WDPCP: variants seen among roughly 807,000 people sequenced by gnomAD.
WDPCP encodes WD repeat containing planar cell polarity effector, also known as WD repeat-containing and planar cell polarity effector protein fritz homolog.
WDPCP carries 71 observed loss-of-function variants against 93.1 expected under a neutral mutation model. The ratio of observed to expected loss-of-function variants is 0.76; its 90% CI spans 0.63 to 0.93. The LOEUF (loss-of-function observed/expected upper bound fraction) is 0.93, where lower values mean the gene tolerates loss of function less well. Among genes scored for constraint, WDPCP ranks in the 40% least tolerant of loss-of-function variants. WDPCP has a pLI of 0.00. For missense variants in WDPCP, 844 were observed against 887.4 expected, an observed-to-expected ratio of 0.95 and a Z score of 0.62; for synonymous variants, 315 against 315.0, an observed-to-expected ratio of 1.00 and a Z score of 0.00.
At chr2:63,154,322 C>A (rs1672084659) in intron 15 of WDPCP, among the ~76,000 whole-genome samples, 1 of 152,066 alleles carries the variant, frequency 6.6e-6, no homozygotes, top group Admixed American at 6.5e-5. Context: ...CCCCCTCAAC[C>A]TATACACCCT....
chr2:63,276,525 A>G (rs1683101849), intron 13 of WDPCP, among the ~76,000 whole-genome samples: 1 of 152,240 alleles, frequency 6.6e-6, no homozygotes, highest in Non-Finnish European at 1.5e-5. Context: ...GCTGGCATAA[A>G]TAAAAAACAA....
chr2:63,190,223 T>A (rs1674938156), intron 14 of WDPCP, among the ~76,000 whole-genome samples: 1 of 151,696 alleles, frequency 6.6e-6, no homozygotes, highest in South Asian at 2.1e-4. Context: ...AGCCAAGCAG[T>A]TCAAGACCAG....
At chr2:63,619,463 A>C (rs540061907) in intron 3 of WDPCP, among the ~76,000 whole-genome samples, 3 of 152,176 alleles carry the variant, frequency 2.0e-5, no homozygotes, top group Non-Finnish European at 4.4e-5. Flanking sequence ...TGGTACAGCT[A>C]ACTCATGTGG....
At chr2:63,773,278 T>C (rs1670256600) in intron 2 of WDPCP, among the ~76,000 whole-genome samples, 1 of 152,002 alleles carries the variant, frequency 6.6e-6, no homozygotes, top group Admixed American at 6.6e-5. Flanking sequence ...AAACTAATGA[T>C]AGATGCAAGA....
chr2:63,426,106 C>T (rs1016661463), intron 9 of WDPCP, among the ~76,000 whole-genome samples: 3 of 152,098 alleles, frequency 2.0e-5, no homozygotes, highest in African/African-American at 7.2e-5. Flanking sequence ...CTTGGGAGGC[C>T]GAGGCAGGCG....
At chr2:63,204,418 T>C (rs1259685646) in intron 14 of WDPCP, among the ~76,000 whole-genome samples, 1 of 143,334 alleles carries the variant, frequency 7.0e-6, no homozygotes, top group Non-Finnish European at 1.5e-5. Context: ...CTTGGCTCAC[T>C]GCAACCTCCA....
At chr2:63,689,650 T>C (rs2103664370) in intron 2 of WDPCP, among the ~76,000 whole-genome samples, 1 of 152,304 alleles carries the variant, frequency 6.6e-6, no homozygotes, top group African/African-American at 2.4e-5. Flanking sequence ...GAAAACAGCA[T>C]CATTGCTTCT....
At chr2:63,196,641 A>C (rs1675456428) in intron 14 of WDPCP, among the ~76,000 whole-genome samples, 1 of 152,124 alleles carries the variant, frequency 6.6e-6, no homozygotes, top group Non-Finnish European at 1.5e-5. Flanking sequence ...TAACAAGAGA[A>C]GCAGCTTCTG....
At chr2:63,797,024 G>C (rs1243939946) in intron 2 of WDPCP, among the ~76,000 whole-genome samples, 1 of 152,178 alleles carries the variant, frequency 6.6e-6, no homozygotes, top group Non-Finnish European at 1.5e-5. Flanking sequence ...CAGAAGGAAA[G>C]GGCACTAGGC....
At chr2:63,254,131 T>G (rs34781199) in intron 14 of WDPCP, among the ~76,000 whole-genome samples, 13,565 of 152,128 alleles carry the variant, frequency 0.089, 831 homozygotes, top group South Asian at 0.16. Flanking sequence ...AACTCAGTAA[T>G]AGAAAACCAA....
At chr2:63,773,884 A>G (rs1187763534) in intron 2 of WDPCP, among the ~76,000 whole-genome samples, 2 of 152,130 alleles carry the variant, frequency 1.3e-5, no homozygotes, top group East Asian at 1.9e-4. Context: ...CTCTGAGCAC[A>G]CTGGCTATGG....
chr2:63,629,878 T>C (rs1417875053), intron 3 of WDPCP, among the ~76,000 whole-genome samples: 6 of 152,252 alleles, frequency 3.9e-5, no homozygotes, highest in Admixed American at 3.9e-4. Flanking sequence ...ATACTCAAAA[T>C]GTCCAGATTT....
At chr2:63,164,519 G>T (rs532926551) in intron 15 of WDPCP, among the ~76,000 whole-genome samples, 1 of 152,026 alleles carries the variant, frequency 6.6e-6, no homozygotes, top group East Asian at 1.9e-4. Context: ...GTGAAGTGCT[G>T]GCTCCCCCTT....
intron 2 of WDPCP, among the ~76,000 whole-genome samples, chr2:63,769,502 G>A (rs764510050): frequency 1.3e-5 from 2 of 151,874 alleles, no homozygotes; most frequent in African/African-American, 2.4e-5. Context: ...GACCAAAATG[G>A]ACCATATTCT....
chr2:63,198,901 G>A (rs923371678), intron 14 of WDPCP, among the ~76,000 whole-genome samples: 1 of 152,146 alleles, frequency 6.6e-6, no homozygotes, highest in African/African-American at 2.4e-5. Context: ...GGAAAGTTTG[G>A]AGCTTCTTAG....
intron 12 of WDPCP, among the ~76,000 whole-genome samples, chr2:63,335,426 AT>A (rs34221663): frequency 4.1e-4 from 60 of 146,896 alleles, no homozygotes; most frequent in Middle Eastern, 7.0e-3. Flanking sequence ...AGAATGAAAG[AT>A]TTTTTTTTTT....
At chr2:63,768,679 C>A (rs1443649550) in intron 2 of WDPCP, among the ~76,000 whole-genome samples, 1 of 151,810 alleles carries the variant, frequency 6.6e-6, no homozygotes, top group Non-Finnish European at 1.5e-5. Context: ...CTTAATGCTC[C>A]CAAAGGAAAT....
chr2:63,463,897 G>A (rs550119496), intron 6 of WDPCP, among the ~76,000 whole-genome samples: 133 of 152,138 alleles, frequency 8.7e-4, no homozygotes, highest in Non-Finnish European at 1.7e-3. Context: ...AAAGTATCAC[G>A]GACCCAATCT....
chr2:63,619,792 G>A (rs1434822647), intron 3 of WDPCP, among the ~76,000 whole-genome samples: 1 of 152,198 alleles, frequency 6.6e-6, no homozygotes, highest in African/African-American at 2.4e-5. Flanking sequence ...GCAGAAGGTG[G>A]GTGATTTTTG....
Sources: allele counts gnomAD v4.1 joint callset (sites outside exome capture counted in the v4.1 genomes callset), GRCh38; gene constraint gnomAD v4.1.1; transcripts MANE v1.5; gene names NCBI Gene and HGNC (gene_info 2026-07-23, HGNC 2026-07-21).